Variants in ANKLE2 observed in about 807,000 individuals in gnomAD.
ANKLE2 encodes the protein ankyrin repeat and LEM domain containing 2.
In ANKLE2, 55 loss-of-function variants were observed where a neutral mutation model predicts 84.2. The observed-to-expected ratio is 0.65, with a 90% CI of 0.53 to 0.82. ANKLE2 has a LOEUF of 0.82. Among genes scored for constraint, ANKLE2 ranks in the 40% least tolerant of loss-of-function variants. The pLI is 0.00. For missense variants in ANKLE2, 1,238 were observed against 1,201.9 expected (o/e 1.03, Z -0.44); for synonymous variants, 551 against 486.1 (o/e 1.13, Z -1.76).
Position 132,735,975 on chromosome 12 carries a change from G to A in ANKLE2, c.1594-463C>T, listed in dbSNP as rs946473284. On this transcript the variant is annotated intron_variant, in intron 8 of 12. Coordinates refer to ENST00000357997, the MANE Select transcript of ANKLE2 (RefSeq NM_015114.3). ...CCATTTTCTTTTTTGTTTTGGAGAC[G>A]GAGTCTCGCTCTGTCGCCCAGGCTG... Among the ~76,000 whole-genome samples the A allele has an allele frequency of 3.3e-5, 5 of 152,222 alleles. No individual in the cohort carries two copies. The South Asian group carries it at 8.3e-4, about 25-fold the overall frequency.
rs756409972 is a variant in ANKLE2 at position 132,730,265 on chromosome 12, T to G, written c.1897A>C (p.Asn633His). 8.4e-6 allele frequency: 13 copies of G among 1,556,402 alleles called. No individual in the cohort carries two copies. Among genetic ancestry groups the G allele is most frequent in the African/African-American group, 4.1e-5 (3 of 73,290 alleles). The change falls in exon 11 of 13, where the codon AAT (asparagine) becomes CAT (histidine). Residue 633 changes from asparagine (N) to histidine (H), a missense_variant. Physicochemically the swap from Asn to His is moderately conservative, Grantham distance 68. Transcript: ENST00000357997. ...AGAAACGCCCTCACGGAAATGGAAT[T>G]GCTGCCTGTGAGGACAACAAGGAGC... Reference protein sequence around the residue: ...CRDKATTSGSNSISVRAFLDE... With the variant: ...CRDKATTSGSHSISVRAFLDE...
chr12:132,743,181 C>A lies in ANKLE2; in HGVS notation c.1326G>T (p.Arg442Ser). 1 of 1,610,192 alleles carries A rather than the reference C, an allele frequency of 6.2e-7. No homozygotes were observed. Among genetic ancestry groups the A allele is most frequent in the South Asian group, 1.1e-5 (1 of 90,110 alleles). ...SSHHLIVKNSRNKYDKTPEDV... is the reference protein window; with the variant it reads ...SSHHLIVKNSSNKYDKTPEDV... Reference sequence around the variant, plus strand: ...CTTCAGGTGTTTTATCATATTTATTCCTTGAGTTTTTTACAATCAAATGGT... The same window carrying A: ...CTTCAGGTGTTTTATCATATTTATTACTTGAGTTTTTTACAATCAAATGGT... Residue 442 changes from arginine to serine, a missense_variant, in exon 6 of 13, where the codon AGG (arginine) becomes AGT (serine). By Grantham distance (110) the Arg-to-Ser change is moderately radical. Coordinates refer to ENST00000357997, the MANE Select transcript of ANKLE2 (RefSeq NM_015114.3). This position sits in a 1 kb window ranked among gnomAD's most constrained non-coding sequence, Gnocchi z 4.1.
chr12:132,733,553 G>A (rs188365699), intron 10 of ANKLE2, among the ~76,000 whole-genome samples: 12 of 140,078 alleles, frequency 8.6e-5, no homozygotes, highest in East Asian at 4.4e-4. Context: ...CGTGTGAAGC[G>A]CTCTGCATCC....
intron 10 of ANKLE2, 106 bp downstream of exon 10, chr12:132,734,279 T>G (rs2043959609): frequency 8.1e-7 from 1 of 1,231,668 alleles, no homozygotes; most frequent in Non-Finnish European, 1.1e-6. Context: ...TACCAGACCT[T>G]TACGTTAAAA....
At chr12:132,735,869 G>A (rs191371744) in intron 8 of ANKLE2, among the ~76,000 whole-genome samples, 576 of 152,370 alleles carry the variant, frequency 3.8e-3, no homozygotes, top group South Asian at 0.012. Flanking sequence ...GAAGAAACCA[G>A]ATCTTTCTCA....
At chr12:132,751,051 G>A in intron 2 of ANKLE2, 1 of 569,414 alleles carries the variant, frequency 1.8e-6, no homozygotes, top group Non-Finnish European at 3.1e-6. Context: ...ATATATGCAT[G>A]TAACATGATA....
chr12:132,732,325 ATACGCACCGTGTGAAGCTCTCTGCG>A (rs1254059689), intron 10 of ANKLE2: 4 of 139,588 alleles, frequency 2.9e-5, no homozygotes, highest in Non-Finnish European at 6.3e-5. Flanking sequence ...CTGGTGTCTG[ATACGCACCGTGTGAAGCTCTCTGCG>A]TCCTGGTGTC....
At chr12:132,740,135 T>C (rs941672421) in intron 7 of ANKLE2, among the ~76,000 whole-genome samples, 3 of 152,224 alleles carry the variant, frequency 2.0e-5, no homozygotes, top group African/African-American at 2.4e-5. Context: ...TCTGGCAACA[T>C]AGCTGTGTGT....
chr12:132,752,211 A>C (rs2044372279), intron 2 of ANKLE2, among the ~76,000 whole-genome samples: 1 of 152,030 alleles, frequency 6.6e-6, no homozygotes, highest in Non-Finnish European at 1.5e-5. Context: ...GTGGTGGCAC[A>C]CCCCTGTAGT....
At chr12:132,735,326 G>T in intron 9 of ANKLE2, 80 bp downstream of exon 9, 1 of 1,271,094 alleles carries the variant, frequency 7.9e-7, no homozygotes, top group Non-Finnish European at 1.1e-6. Context: ...GTACTTTGAA[G>T]CTGTGATTTG....
intron 7 of ANKLE2, among the ~76,000 whole-genome samples, chr12:132,740,757 A>C (rs1287084732): frequency 1.3e-5 from 2 of 151,850 alleles, no homozygotes; most frequent in Non-Finnish European, 2.9e-5. Context: ...TACAAACCGC[A>C]AGGCACAGGG....
chr12:132,727,646 G>A (rs75551559), intron 12 of ANKLE2, among the ~76,000 whole-genome samples: 2,606 of 92,256 alleles, frequency 0.028, no homozygotes, highest in Middle Eastern at 0.05. Flanking sequence ...ACGCGCCCGG[G>A]CGGAGGAGAC....
intron 9 of ANKLE2, chr12:132,735,025 C>G (rs909164791): frequency 3.5e-6 from 1 of 287,800 alleles, no homozygotes; most frequent in East Asian, 9.8e-5. Context: ...ATATTCTAAA[C>G]AATTCCACGA....
Position 132,741,488 on chromosome 12 carries a change from A to G in ANKLE2, c.1354-3T>C, listed in dbSNP as rs1441069047. ...TTTTTGCTTCTTTCACAAATTACCT[A>G]TTGGAAAAAAAAGTGTGTCTAAATC... On this transcript the variant is annotated splice_polypyrimidine_tract_variant and splice_region_variant and intron_variant, in intron 6 of 12. Transcript: ENST00000357997. 3.7e-6 allele frequency: 6 copies of G among 1,613,616 alleles called. No individual in the cohort carries two copies. Among genetic ancestry groups the G allele is most frequent in the African/African-American group, 1.3e-5 (1 of 74,896 alleles).
In ANKLE2 at chr12:132,761,484, G is replaced by C. The variant is rs906433394; in HGVS notation, c.181+134C>G. The C allele has an allele frequency of 7.7e-6, 6 of 779,898 alleles. No homozygotes were observed. The East Asian group carries it at 1.2e-4, about 15-fold the overall frequency. 48.3% of individuals were successfully genotyped at this position (779,898 alleles called of 1,614,324 possible). A position where few individuals can be genotyped will look rare whatever the true frequency, so the allele number is the denominator to read the frequency against. ...GCGGCCGGAATGGCCTTTCCCGACC[G>C]GCCCTGGTTTCCCCGGCCGCCTCGC... On this transcript the variant is annotated intron_variant, in intron 1 of 12. Coordinates refer to ENST00000357997, the MANE Select transcript of ANKLE2 (RefSeq NM_015114.3).
chr12:132,739,569 TA>T (rs2044081105), intron 7 of ANKLE2, among the ~76,000 whole-genome samples: 1 of 152,224 alleles, frequency 6.6e-6, no homozygotes, highest in African/African-American at 2.4e-5. Flanking sequence ...TTTTTTGGCA[TA>T]TTGATTTGAG....
In ANKLE2 at chr12:132,754,951, G is replaced by A. The variant is rs1132375; in HGVS notation, c.364C>T (p.His122Tyr). 587,530 of 1,613,962 alleles carry A rather than the reference G, an allele frequency of 0.36. 111,455 individuals are homozygous for A. The highest frequency in any genetic ancestry group is 0.39 in the Non-Finnish European group (461,626 of 1,179,954). Residue 122 changes from histidine to tyrosine, a missense_variant, in exon 2 of 13, where the codon CAC becomes TAC. Transcript: ENST00000357997. ...EQGGRLSSFYHHEAGVTALSQ... is the reference protein window; with the variant it reads ...EQGGRLSSFYYHEAGVTALSQ... ...AGAGCTGTGACACCTGCCTCATGGT[G>A]GTAGAAAGAAGACAGCCTTCCTCCT...
intron 12 of ANKLE2, 30 bp downstream of exon 12, chr12:132,728,002 C>T (rs747102848): frequency 4.4e-6 from 7 of 1,574,202 alleles, no homozygotes; most frequent in East Asian, 2.3e-5. Flanking sequence ...AGCTGCCCTG[C>T]GGGTGACAGG....
At chr12:132,732,688 G>A (rs1431712491) in intron 10 of ANKLE2, among the ~76,000 whole-genome samples, 31 of 104,074 alleles carry the variant, frequency 3.0e-4, no homozygotes, top group South Asian at 7.1e-4. Flanking sequence ...AGCTCTCTGC[G>A]TCCTGGTGTC....
Sources: gnomAD v4.1 joint callset for allele counts (sites outside exome capture counted in the v4.1 genomes callset) on GRCh38, gnomAD v4.1.1 for gene constraint, Gnocchi (gnomAD v3.1) non-coding constraint, MANE v1.5 for transcripts, NCBI Gene and HGNC (gene_info 2026-07-23, HGNC 2026-07-21) for gene names.